Variants in EDEM2 observed in about 807,000 individuals in gnomAD.
EDEM2 encodes the protein ER degradation enhancing alpha-mannosidase like protein 2.
A neutral mutation model predicts 64.8 loss-of-function variants in EDEM2; 39 were observed. The observed-to-expected ratio is 0.60, with a 90% CI of 0.47 to 0.79. EDEM2 has a LOEUF of 0.79. Ranked by LOEUF, EDEM2 falls within the 30% of genes least tolerant of loss-of-function variation. The probability of loss-of-function intolerance (pLI) is 0.00; values close to 1 mark genes in which losing one functional copy is unlikely to be tolerated. For missense variants in EDEM2, 609 were observed against 731.3 expected (o/e 0.83, Z 1.93); for synonymous variants, 296 against 291.5 (o/e 1.02, Z -0.16).
At chr20:35,140,785 AAAG>A (rs1241046852) in intron 4 of EDEM2, among the ~76,000 whole-genome samples, 2 of 152,232 alleles carry the variant, frequency 1.3e-5, no homozygotes, top group South Asian at 2.1e-4. Flanking sequence ...AAAACAATCT[AAAG>A]AAGGCATGAA....
In EDEM2 at chr20:35,115,423, T is replaced by G; in HGVS notation, c.*10A>C. 1.3e-6 allele frequency: 2 copies of G among 1,587,858 alleles called. No individual in the cohort carries two copies. Among genetic ancestry groups the G allele is most frequent in the Non-Finnish European group, 1.7e-6 (2 of 1,170,478 alleles). ...CTCAAAAAAATAAAAATAAAAAAAT[T>G]ATCCAGTGGTTATGAGGAGTCTAGG... On this transcript the variant is annotated 3_prime_UTR_variant, in exon 11 of 11. Transcript: ENST00000374492.
chr20:35,129,131 G>A (rs1450215722), intron 7 of EDEM2, among the ~76,000 whole-genome samples: 4 of 152,090 alleles, frequency 2.6e-5, no homozygotes, highest in African/African-American at 9.7e-5. Flanking sequence ...ATTAGGCCAG[G>A]CACGGTGGCT....
intron 10 of EDEM2, among the ~76,000 whole-genome samples, chr20:35,116,533 G>C (rs1348026006): frequency 6.6e-6 from 1 of 152,066 alleles, no homozygotes; most frequent in Non-Finnish European, 1.5e-5. Flanking sequence ...TTTCAGCCTG[G>C]AGCACTCCGC....
rs775587304 is a variant in EDEM2, at chr20:35,115,805, G to A, written c.1365C>T (p.Asp455=). Reference sequence around the variant, plus strand: ...ACTCCCCATAGGGGGTGATCACCGCGTCGAAGGTGGACCCATTGTTGTGGA... The same window carrying A: ...ACTCCCCATAGGGGGTGATCACCGCATCGAAGGTGGACCCATTGTTGTGGA... ...NFIHNNGSTF[D]AVITPYGECI... Residue 455 remains aspartate, a synonymous_variant, in exon 11 of 11, where the codon GAC becomes GAT. Transcript: ENST00000374492. 7.1e-5 allele frequency: 115 copies of A among 1,614,008 alleles called. No homozygotes were observed. Among genetic ancestry groups the A allele is most frequent in the Non-Finnish European group, 9.1e-5 (107 of 1,180,048 alleles).
chr20:35,138,303 T>G (rs1209586362), intron 4 of EDEM2, among the ~76,000 whole-genome samples: 1 of 152,208 alleles, frequency 6.6e-6, no homozygotes, highest in Non-Finnish European at 1.5e-5. Context: ...ACAGTGGCTA[T>G]TTTTTGTAAG....
At chr20:35,131,565 CAA>C (rs543120411) in intron 7 of EDEM2, 75 bp downstream of exon 7, 11 of 1,550,752 alleles carry the variant, frequency 7.1e-6, no homozygotes, top group South Asian at 2.4e-5. Flanking sequence ...GACTCTGTCT[CAA>C]AAAAAAGTTT....
At chr20:35,127,740 A>T (rs1037373496) in intron 7 of EDEM2, among the ~76,000 whole-genome samples, 2 of 152,152 alleles carry the variant, frequency 1.3e-5, no homozygotes, top group African/African-American at 2.4e-5. Context: ...ACGTTCCAAG[A>T]CCCTCAGTGG....
intron 8 of EDEM2, among the ~76,000 whole-genome samples, chr20:35,125,680 G>A (rs960770021): frequency 2.6e-5 from 4 of 152,060 alleles, no homozygotes; most frequent in Admixed American, 1.3e-4. Context: ...CACCGCGCCC[G>A]ACCTAATTTT....
intron 6 of EDEM2, chr20:35,134,054 C>T (rs2085542098): frequency 4.4e-6 from 2 of 455,298 alleles, no homozygotes; most frequent in South Asian, 1.6e-5. Context: ...ATGGCTTTGG[C>T]TCAATTACTG....
At chr20:35,122,524 G>T (rs1014531330) in intron 9 of EDEM2, among the ~76,000 whole-genome samples, 1 of 152,070 alleles carries the variant, frequency 6.6e-6, no homozygotes, top group Non-Finnish European at 1.5e-5. Flanking sequence ...ACAGGTGCAC[G>T]CCACCATGCC....
chr20:35,132,925 T>C (rs1006382941), intron 6 of EDEM2, among the ~76,000 whole-genome samples: 2 of 152,210 alleles, frequency 1.3e-5, no homozygotes, highest in Admixed American at 6.5e-5. Context: ...CTGTTCCGCG[T>C]TGGTTTGTGT....
In EDEM2 at chr20:35,115,713, T is replaced by C; in HGVS notation, c.1457A>G (p.His486Arg). Reference protein sequence around the residue: ...EAHPIDPAALHCCQRLKEEQW... With the variant: ...EAHPIDPAALRCCQRLKEEQW... ...CTCTTCCTTCAGCCTCTGGCAGCAGTGCAGGGCGGCAGGGTCGATGGGGTG... is the reference window on the plus strand; with the variant it reads ...CTCTTCCTTCAGCCTCTGGCAGCAGCGCAGGGCGGCAGGGTCGATGGGGTG... Residue 486 changes from histidine to arginine, a missense_variant, in exon 11 of 11, where the codon CAC becomes CGC. His to Arg is a conservative substitution (Grantham distance 29). Transcript: ENST00000374492. 1 of 1,614,214 alleles carries C rather than the reference T, an allele frequency of 6.2e-7. No homozygotes were observed. The highest frequency in any genetic ancestry group is 8.5e-7 in the Non-Finnish European group (1 of 1,180,040).
At chr20:35,130,195 G>T (rs959317959) in intron 7 of EDEM2, among the ~76,000 whole-genome samples, 2 of 152,000 alleles carry the variant, frequency 1.3e-5, no homozygotes, top group Non-Finnish European at 2.9e-5. Flanking sequence ...GGCCTCCCAA[G>T]TAGTGGGGAC....
In EDEM2 at chr20:35,115,661, C is replaced by T. The variant is rs543566928; in HGVS notation, c.1509G>A (p.Arg503=). The T allele has an allele frequency of 3.3e-5, 53 of 1,614,152 alleles. No individual in the cohort carries two copies. In the South Asian group the frequency reaches 5.5e-4, roughly 17 times the overall value. ...TGCTCCGTTTGAGAGAGTAGAATTC[C>T]CTCATCAAGTCCTCCACCTCCCACT... ...EEQWEVEDLM[R]EFYSLKRSRS... Residue 503 remains arginine (R), a synonymous_variant, in exon 11 of 11, where the codon AGG becomes AGA. Transcript: ENST00000374492.
Position 35,147,250 on chromosome 20 carries a change from G to A in EDEM2, c.9C>T (p.Phe3=), listed in dbSNP as rs2085748422. 1.3e-6 allele frequency: 2 copies of A among 1,585,504 alleles called. No individual in the cohort carries two copies. Among genetic ancestry groups the A allele is most frequent in the East Asian group, 2.3e-5 (1 of 44,102 alleles). The part of the protein sequence containing the change: MP[F]RLLIPLGLLC... ...GGAGGCCGAGCGGGATGAGCAGCCG[G>A]AAAGGCATAGAGCTCGTGTCCTCTC... The change falls in exon 1 of 11, where the codon TTC becomes TTT. Residue 3 remains phenylalanine, a synonymous_variant. Transcript: ENST00000374492.
At chr20:35,121,860 T>G (rs375626840) in intron 9 of EDEM2, among the ~76,000 whole-genome samples, 1 of 151,902 alleles carries the variant, frequency 6.6e-6, no homozygotes, top group Non-Finnish European at 1.5e-5. Flanking sequence ...AGTGGCGCCA[T>G]CATGGCTCAC....
At chr20:35,133,458 C>G (rs75287019) in intron 6 of EDEM2, among the ~76,000 whole-genome samples, 15,644 of 150,746 alleles carry the variant, frequency 0.1, 904 homozygotes, top group South Asian at 0.16. Context: ...TACAGGTCTC[C>G]AGCGGGGCAC....
Position 35,134,933 on chromosome 20 carries a change from A to G in EDEM2, c.507T>C (p.Thr169=). 3.7e-6 allele frequency: 6 copies of G among 1,614,106 alleles called. No individual in the cohort carries two copies. The highest frequency in any genetic ancestry group is 5.1e-6 in the Non-Finnish European group (6 of 1,180,038). The stretch of plus-strand genomic sequence containing the variant: ...AGTTCACTGTTCCATATGGCATGCC[A>G]GTGGGGGTCTGAAAGGCTGAACAAT... ...RKLLPAFQTP[T]GMPYGTVNLL... The change falls in exon 6 of 11, where the codon ACT becomes ACC. Residue 169 remains threonine (T), a synonymous_variant. Transcript: ENST00000374492.
At chr20:35,120,305 C>T (rs557835880) in intron 9 of EDEM2, among the ~76,000 whole-genome samples, 4 of 152,248 alleles carry the variant, frequency 2.6e-5, no homozygotes, top group East Asian at 1.9e-4. Context: ...TCAAGTCATC[C>T]GCCAGTCTTG....
Sources: allele counts gnomAD v4.1 joint callset (sites outside exome capture counted in the v4.1 genomes callset), GRCh38; gene constraint gnomAD v4.1.1; transcripts MANE v1.5; gene names NCBI Gene and HGNC (gene_info 2026-07-23, HGNC 2026-07-21).